Variants in RAB3C observed in about 807,000 individuals in gnomAD.
RAB3C encodes the protein RAB3C, member RAS oncogene family.
In RAB3C, 17 loss-of-function variants were observed where a neutral mutation model predicts 26.4. That is an observed-to-expected ratio of 0.64 (90% confidence interval 0.44 to 0.97). RAB3C has a LOEUF of 0.97. Ranked by LOEUF, RAB3C falls within the 50% of genes least tolerant of loss-of-function variation. RAB3C has a pLI of 0.00. For synonymous variants in RAB3C, 91 were observed against 95.9 expected (o/e 0.95, Z 0.30); for missense variants, 242 against 281.9 (o/e 0.86, Z 1.01).
At chr5:58,779,207 C>T (rs1004797696) in intron 3 of RAB3C, among the ~76,000 whole-genome samples, 6 of 152,018 alleles carry the variant, frequency 3.9e-5, no homozygotes, top group African/African-American at 1.4e-4. Flanking sequence ...TCCAAGTTCT[C>T]ACTCTGGCTT....
At chr5:58,845,448 GA>G (rs1743966534) in intron 4 of RAB3C, among the ~76,000 whole-genome samples, 1 of 151,812 alleles carries the variant, frequency 6.6e-6, no homozygotes, top group South Asian at 2.1e-4. Flanking sequence ...ACACCTGTAA[GA>G]AGGGTTCTTG....
intron 1 of RAB3C, among the ~76,000 whole-genome samples, chr5:58,602,327 T>C (rs1451174902): frequency 3.3e-5 from 5 of 152,162 alleles, no homozygotes. Context: ...TATTCTGCAG[T>C]TGTTGGATGA....
At chr5:58,806,032 G>A (rs888861979) in intron 3 of RAB3C, among the ~76,000 whole-genome samples, 2 of 152,110 alleles carry the variant, frequency 1.3e-5, no homozygotes, top group African/African-American at 4.8e-5. Flanking sequence ...GAGAAATTTT[G>A]TAAGGGAAGG....
chr5:58,663,555 A>C (rs552228902), intron 2 of RAB3C, among the ~76,000 whole-genome samples: 1 of 150,464 alleles, frequency 6.6e-6, no homozygotes, highest in African/African-American at 2.5e-5. Flanking sequence ...GAAGGGAAAG[A>C]TTTATTCAAA....
Position 58,851,274 on chromosome 5 carries a change from C to T in RAB3C, c.607C>T (p.Pro203Ser). 6.2e-7 allele frequency: 1 copy of T among 1,613,974 alleles called. No homozygotes were observed. ...DKMSESLETD[P>S]AITAAKQNTR... The stretch of plus-strand genomic sequence containing the variant: ...AATGTCAGAGAGTTTGGAGACTGAT[C>T]CTGCCATCACTGCTGCAAAGCAGAA... The change falls in exon 5 of 5, where the codon CCT (proline) becomes TCT (serine). Residue 203 changes from proline (P) to serine (S), a missense_variant. Pro to Ser is a moderately conservative substitution (Grantham distance 74, BLOSUM62 -1). Coordinates refer to ENST00000282878, the MANE Select transcript of RAB3C (RefSeq NM_138453.4).
At chr5:58,685,272 A>G (rs540856127) in intron 2 of RAB3C, among the ~76,000 whole-genome samples, 105 of 152,300 alleles carry the variant, frequency 6.9e-4, no homozygotes, top group Non-Finnish European at 9.1e-4. Flanking sequence ...TTAGATGTCT[A>G]AAATGAATCT....
chr5:58,790,116 A>C (rs569887734), intron 3 of RAB3C, among the ~76,000 whole-genome samples: 8 of 152,204 alleles, frequency 5.3e-5, no homozygotes, highest in Non-Finnish European at 1.2e-4. Flanking sequence ...CTCTGCTTTA[A>C]TATCCCATAG....
intron 2 of RAB3C, among the ~76,000 whole-genome samples, chr5:58,644,777 G>A (rs1198722324): frequency 2.0e-5 from 3 of 152,080 alleles, no homozygotes; most frequent in Non-Finnish European, 4.4e-5. Flanking sequence ...AAAAGAAAGC[G>A]TTACCATGCA....
At chr5:58,730,527 G>A (rs1295987649) in intron 3 of RAB3C, among the ~76,000 whole-genome samples, 6 of 151,956 alleles carry the variant, frequency 3.9e-5, no homozygotes, top group Admixed American at 3.3e-4. Context: ...TAAATTACTG[G>A]TCTCCAAGTG....
At chr5:58,583,056 G>T (rs534162449), upstream of RAB3C, 212 of 1,471,654 alleles carry the variant, frequency 1.4e-4, 3 homozygotes, top group South Asian at 2.9e-3. Context: ...CGTGTGCGGC[G>T]CCAGGAGAGG....
chr5:58,789,183 G>T (rs1742464793), intron 3 of RAB3C, among the ~76,000 whole-genome samples: 1 of 152,030 alleles, frequency 6.6e-6, no homozygotes, highest in South Asian at 2.1e-4. Flanking sequence ...CTCTTATTTG[G>T]TTATGCCTTA....
chr5:58,713,064 A>G (rs1749095747), intron 2 of RAB3C, among the ~76,000 whole-genome samples: 1 of 152,194 alleles, frequency 6.6e-6, no homozygotes, highest in Non-Finnish European at 1.5e-5. Context: ...CTTGGAGCCA[A>G]ATAAAAAGTA....
intron 1 of RAB3C, among the ~76,000 whole-genome samples, chr5:58,598,575 T>C (rs1011807682): frequency 3.3e-5 from 5 of 152,142 alleles, no homozygotes; most frequent in African/African-American, 1.2e-4. Context: ...TTATTCAGTG[T>C]CAGGCAGTGT....
intron 1 of RAB3C, among the ~76,000 whole-genome samples, chr5:58,601,685 G>A (rs190443513): frequency 1.6e-4 from 24 of 152,138 alleles, no homozygotes; most frequent in African/African-American, 5.5e-4. Context: ...GGTGTCAGCT[G>A]TAATATCACC....
intron 3 of RAB3C, among the ~76,000 whole-genome samples, chr5:58,727,052 C>G (rs1359755150): frequency 6.6e-6 from 1 of 151,998 alleles, no homozygotes; most frequent in African/African-American, 2.4e-5. Flanking sequence ...CGCACTTTAA[C>G]TGTAAATATA....
chr5:58,799,298 G>A (rs1451067260), intron 3 of RAB3C, among the ~76,000 whole-genome samples: 2 of 151,994 alleles, frequency 1.3e-5, no homozygotes, highest in South Asian at 2.1e-4. Context: ...CACAGCTGAG[G>A]AACTGAAGTG....
intron 4 of RAB3C, among the ~76,000 whole-genome samples, chr5:58,840,507 T>A (rs1183080487): frequency 2.0e-5 from 3 of 152,232 alleles, no homozygotes; most frequent in Admixed American, 6.5e-5. Context: ...GAATTGCTGT[T>A]TTTCATTGAC....
At chr5:58,654,070 C>T (rs1186346741) in intron 2 of RAB3C, among the ~76,000 whole-genome samples, 2 of 152,140 alleles carry the variant, frequency 1.3e-5, no homozygotes, top group African/African-American at 2.4e-5. Flanking sequence ...TCTTTTTCTT[C>T]ATCATCACCT....
At chr5:58,683,919 A>T (rs1368811570) in intron 2 of RAB3C, among the ~76,000 whole-genome samples, 1 of 152,176 alleles carries the variant, frequency 6.6e-6, no homozygotes, top group Non-Finnish European at 1.5e-5. Context: ...ATGCTGACAT[A>T]TTTTTATAAT....
Sources: allele counts gnomAD v4.1 joint callset (sites outside exome capture counted in the v4.1 genomes callset), GRCh38; gene constraint gnomAD v4.1.1; transcripts MANE v1.5; gene names NCBI Gene and HGNC (gene_info 2026-07-23, HGNC 2026-07-21).